TENM3: variants seen among roughly 807,000 people sequenced by gnomAD.
TENM3 encodes teneurin-3.
A neutral mutation model predicts 255.1 loss-of-function variants in TENM3; 63 were observed. The ratio of observed to expected loss-of-function variants is 0.25; its 90% CI spans 0.20 to 0.30. The LOEUF (loss-of-function observed/expected upper bound fraction) is 0.30. TENM3 is among the 10% of genes least tolerant of loss of function. TENM3 has a pLI of 1.00. For missense variants in TENM3, 2,929 were observed against 3,461.1 expected, an observed-to-expected ratio of 0.85 and a Z score of 3.86; for synonymous variants, 1,306 against 1,322.3, an observed-to-expected ratio of 0.99 and a Z score of 0.27.
intron 5 of TENM3, chr4:182,631,312 A>C (rs1751345726): frequency 6.6e-6 from 1 of 152,206 alleles, no homozygotes; most frequent in African/African-American, 2.4e-5. Context: ...ATCTAGCAAA[A>C]AAATTACTTT....
chr4:182,413,005 T>C (rs1470453080), intron 3 of TENM3, among the ~76,000 whole-genome samples: 4 of 151,914 alleles, frequency 2.6e-5, no homozygotes, highest in Non-Finnish European at 5.9e-5. Context: ...TCAACATAAT[T>C]GGAAAAAATT....
At chr4:182,570,587 C>T (rs1744256362) in intron 3 of TENM3, among the ~76,000 whole-genome samples, 1 of 152,188 alleles carries the variant, frequency 6.6e-6, no homozygotes, top group Non-Finnish European at 1.5e-5. Flanking sequence ...TGGTGGCTCA[C>T]GCCTGTAATC....
the TENM3 span, among the ~76,000 whole-genome samples, chr4:182,063,565 C>T: frequency 6.6e-6 from 1 of 152,184 alleles, no homozygotes; most frequent in East Asian, 1.9e-4. Context: ...AGAAAAAGAC[C>T]TTGGACATAA....
intron 1 of TENM3, among the ~76,000 whole-genome samples, chr4:182,251,291 G>A (rs913436623): frequency 2.6e-5 from 4 of 152,158 alleles, no homozygotes; most frequent in Non-Finnish European, 5.9e-5. Context: ...GCAACATAGC[G>A]AGACCCTGTC....
At chr4:182,013,100 C>G in the TENM3 span, among the ~76,000 whole-genome samples, 1 of 152,128 alleles carries the variant, frequency 6.6e-6, no homozygotes, top group Non-Finnish European at 1.5e-5. Context: ...GAATGAATGG[C>G]GAGCATTCAA....
intron 3 of TENM3, among the ~76,000 whole-genome samples, chr4:182,488,847 G>A (rs1336060198): frequency 6.6e-6 from 1 of 152,096 alleles, no homozygotes; most frequent in Non-Finnish European, 1.5e-5. Context: ...AAAGTTCTAG[G>A]AGAATGCTGG....
intron 22 of TENM3, among the ~76,000 whole-genome samples, chr4:182,756,019 C>T (rs1165517325): frequency 1.3e-5 from 2 of 152,322 alleles, no homozygotes; most frequent in Non-Finnish European, 2.9e-5. Flanking sequence ...ATAGACCTAG[C>T]ATCTTAGCAA....
At chr4:181,883,310 G>T in the TENM3 span, among the ~76,000 whole-genome samples, 12 of 152,166 alleles carry the variant, frequency 7.9e-5, no homozygotes, top group African/African-American at 2.9e-4. Flanking sequence ...TTGAATTGAA[G>T]AGAGGTCCAC....
the TENM3 span, among the ~76,000 whole-genome samples, chr4:181,536,805 G>A: frequency 6.6e-6 from 1 of 152,130 alleles, no homozygotes; most frequent in East Asian, 1.9e-4. Context: ...TTGCATGGTA[G>A]GCACCTGGAA....
At chr4:181,467,583 T>C in the TENM3 span, among the ~76,000 whole-genome samples, 1 of 151,832 alleles carries the variant, frequency 6.6e-6, no homozygotes, top group South Asian at 2.1e-4. Context: ...GAGTAAAAAA[T>C]ATTCAAGTTG....
the TENM3 span, among the ~76,000 whole-genome samples, chr4:181,741,535 A>G: frequency 2.6e-5 from 4 of 152,212 alleles, no homozygotes; most frequent in Non-Finnish European, 4.4e-5. Flanking sequence ...ACATATTTTT[A>G]ATGCAGTTAA....
chr4:182,093,493 A>G, the TENM3 span, among the ~76,000 whole-genome samples: 1 of 152,190 alleles, frequency 6.6e-6, no homozygotes, highest in African/African-American at 2.4e-5. Flanking sequence ...AACCACCAGC[A>G]GCCGAAAGAA....
chr4:181,779,254 CTTTAAGTTATTTA>C, the TENM3 span, among the ~76,000 whole-genome samples: 3,951 of 147,416 alleles, frequency 0.027, 199 homozygotes, highest in African/African-American at 0.096. Flanking sequence ...CTTTCTTTTA[CTTTAAGTTATTTA>C]TTTATTTATT....
the TENM3 span, among the ~76,000 whole-genome samples, chr4:181,585,655 T>C: frequency 6.6e-6 from 1 of 152,210 alleles, no homozygotes; most frequent in East Asian, 1.9e-4. Context: ...TCATTAACTC[T>C]AGAAAACTAA....
chr4:182,047,890 T>G, the TENM3 span, among the ~76,000 whole-genome samples: 2 of 152,172 alleles, frequency 1.3e-5, no homozygotes, highest in Non-Finnish European at 2.9e-5. Context: ...CTGATTTATC[T>G]CTTGCTTTGT....
At chr4:182,540,044 A>G (rs1221690724) in intron 3 of TENM3, among the ~76,000 whole-genome samples, 5 of 152,248 alleles carry the variant, frequency 3.3e-5, no homozygotes, top group South Asian at 2.1e-4. Context: ...AATTGATACA[A>G]AGTTTACTGT....
rs1396690061 is a variant in TENM3 at position 182,679,803 on chromosome 4, T to C, written c.1464T>C (p.Ser488=). ...HEAGFIQYLD[S]GIWHLAFYND... is the part of the protein sequence containing the mutation. ...CCGGCTTTATCCAGTACTTGGATTC[T>C]GGAATCTGGCATCTGGCTTTTTATA... The change falls in exon 8 of 28, where the codon TCT becomes TCC. Residue 488 remains serine (S), a synonymous_variant. Coordinates refer to ENST00000511685, the MANE Select transcript of TENM3 (RefSeq NM_001080477.4). The C allele has an allele frequency of 1.2e-6, 2 of 1,613,876 alleles. No homozygotes were observed. Among genetic ancestry groups the C allele is most frequent in the African/African-American group, 2.7e-5 (2 of 74,940 alleles).
At chr4:181,663,284 C>A in the TENM3 span, among the ~76,000 whole-genome samples, 1 of 152,092 alleles carries the variant, frequency 6.6e-6, no homozygotes, top group Non-Finnish European at 1.5e-5. Context: ...GCTCCAGAGG[C>A]CTTCAGTTGG....
chr4:182,401,813 C>T (rs1769231029), intron 3 of TENM3, among the ~76,000 whole-genome samples: 1 of 152,184 alleles, frequency 6.6e-6, no homozygotes, highest in African/African-American at 2.4e-5. Flanking sequence ...TTAACATTTA[C>T]ACTTTCTATT....
Sources: gnomAD v4.1 joint callset for allele counts (sites outside exome capture counted in the v4.1 genomes callset) on GRCh38, gnomAD v4.1.1 for gene constraint, MANE v1.5 for transcripts, NCBI Gene and HGNC (gene_info 2026-07-23, HGNC 2026-07-21) for gene names.